The following MEGF11 variants were observed in gnomAD, a reference collection of about 807,000 sequenced individuals.
The protein encoded by MEGF11 is multiple EGF like domains 11.
In MEGF11, 126 loss-of-function variants were observed where a neutral mutation model predicts 146.6. The observed-to-expected ratio is 0.86, with a 90% CI of 0.74 to 1.00. The LOEUF (loss-of-function observed/expected upper bound fraction) is 1.00. Among genes scored for constraint, MEGF11 ranks in the 50% least tolerant of loss-of-function variants. The pLI is 0.00. For synonymous variants in MEGF11, 532 were observed against 583.4 expected (o/e 0.91, Z 1.27); for missense variants, 1,509 against 1,521.2 (o/e 0.99, Z 0.13).
At chr15:66,056,991 C>G (rs2084700550) in intron 5 of MEGF11, among the ~76,000 whole-genome samples, 2 of 152,212 alleles carry the variant, frequency 1.3e-5, no homozygotes, top group Middle Eastern at 3.2e-3. Flanking sequence ...ATTAAAGGAG[C>G]ATTTATAAAT....
intron 5 of MEGF11, among the ~76,000 whole-genome samples, chr15:66,079,853 G>A (rs563091607): frequency 2.4e-4 from 37 of 152,284 alleles, no homozygotes; most frequent in African/African-American, 8.2e-4. Flanking sequence ...GGGTCTCCAT[G>A]GGCTGCCCCT....
intron 4 of MEGF11, among the ~76,000 whole-genome samples, chr15:66,102,584 A>G (rs963243149): frequency 1.1e-4 from 17 of 150,210 alleles, no homozygotes; most frequent in African/African-American, 4.2e-4. Context: ...GCACCACCAC[A>G]ATTAGCTAAT....
intron 8 of MEGF11, among the ~76,000 whole-genome samples, chr15:65,965,639 T>A (rs2081066272): frequency 7.1e-6 from 1 of 140,544 alleles, no homozygotes; most frequent in Admixed American, 7.3e-5. Flanking sequence ...GCTCTTCTAT[T>A]CTTTTCGCCC....
At chr15:65,977,536 A>G (rs1242011260) in intron 7 of MEGF11, among the ~76,000 whole-genome samples, 6 of 148,432 alleles carry the variant, frequency 4.0e-5, no homozygotes, top group East Asian at 2.0e-4. Flanking sequence ...TTGGAGTGCA[A>G]TGGCGCAATC....
At position 66,013,842 on chromosome 15, in the gene MEGF11, T is replaced by C. The variant is rs748446261; in HGVS notation, c.395-31354A>G. Among the ~76,000 whole-genome samples, 3 of 152,316 alleles carry C rather than the reference T, an allele frequency of 2.0e-5. No homozygotes were observed. In the South Asian group the frequency reaches 6.2e-4, roughly 32 times the overall value. On this transcript the variant is annotated intron_variant, in intron 5 of 25. Transcript: ENST00000395614. Reference sequence around the variant, plus strand: ...ATGAATAAGAGTAGTTCCAGTTGGATACAGGCTGACTTAGGCAAGTGAAGG... The same window carrying C: ...ATGAATAAGAGTAGTTCCAGTTGGACACAGGCTGACTTAGGCAAGTGAAGG...
intron 1 of MEGF11, among the ~76,000 whole-genome samples, chr15:66,232,150 C>A (rs62009957): frequency 6.6e-6 from 1 of 152,038 alleles, no homozygotes; most frequent in Non-Finnish European, 1.5e-5. Context: ...CAGGAGCCTG[C>A]AGAGCTGAAC....
chr15:66,041,725 T>C lies in MEGF11; in HGVS notation c.394+52677A>G, dbSNP rs1020897124. ...CCTAAAATATTTACTATCTGGTCCT[T>C]TACAGAAAAAGTTTGCCAATCCCTG... On this transcript the variant is annotated intron_variant, in intron 5 of 25. Coordinates refer to ENST00000395614, the MANE Select transcript of MEGF11 (RefSeq NM_001385028.1). Among the ~76,000 whole-genome samples the C allele has an allele frequency of 5.3e-5, 8 of 152,204 alleles. No individual in the cohort carries two copies. The East Asian group carries it at 1.3e-3, about 26-fold the overall frequency.
At chr15:66,245,431 C>T (rs540586077) in intron 1 of MEGF11, among the ~76,000 whole-genome samples, 30 of 151,320 alleles carry the variant, frequency 2.0e-4, no homozygotes, top group South Asian at 6.3e-4. Flanking sequence ...AGTTTGAGAC[C>T]TGCCTGGGTA....
chr15:66,053,667 T>G (rs898795832), intron 5 of MEGF11, among the ~76,000 whole-genome samples: 9 of 142,834 alleles, frequency 6.3e-5, no homozygotes, highest in Non-Finnish European at 9.1e-5. Flanking sequence ...ACTAATCCTC[T>G]CCATTCCCAG....
At chr15:66,028,382 A>G (rs1437752695) in intron 5 of MEGF11, among the ~76,000 whole-genome samples, 1 of 152,228 alleles carries the variant, frequency 6.6e-6, no homozygotes, top group Non-Finnish European at 1.5e-5. Flanking sequence ...AGGGAAACAA[A>G]TAACATGCAC....
chr15:65,992,199 C>G (rs2082064768), intron 5 of MEGF11, among the ~76,000 whole-genome samples: 1 of 152,172 alleles, frequency 6.6e-6, no homozygotes, highest in Non-Finnish European at 1.5e-5. Context: ...ACCACAGCTC[C>G]AGGCAGCCAG....
rs16949132 is a variant in MEGF11, at chr15:65,946,817, A to G, written c.1287+10730T>C. ...TGGCTCCCTCTTGCCTGCTGACTTA[A>G]GCACAAGACCCCACCTTGGCATGCA... On this transcript the variant is annotated intron_variant, in intron 10 of 25. Coordinates refer to ENST00000395614, the MANE Select transcript of MEGF11 (RefSeq NM_001385028.1). 1.2e-3 allele frequency among the ~76,000 whole-genome samples: 183 copies of G among 152,226 alleles called. 1 individual carries two copies. The highest frequency in any genetic ancestry group is 4.3e-3 in the African/African-American group (180 of 41,530).
chr15:66,078,393 A>G (rs988253144), intron 5 of MEGF11, among the ~76,000 whole-genome samples: 1 of 152,210 alleles, frequency 6.6e-6, no homozygotes, highest in Non-Finnish European at 1.5e-5. Flanking sequence ...GTGACCTTGG[A>G]GGATGACTGG....
At chr15:66,059,900 G>GA (rs1464281088) in intron 5 of MEGF11, among the ~76,000 whole-genome samples, 1 of 152,158 alleles carries the variant, frequency 6.6e-6, no homozygotes, top group Non-Finnish European at 1.5e-5. Flanking sequence ...TATCTTGCTC[G>GA]AAAAACAACC....
intron 1 of MEGF11, among the ~76,000 whole-genome samples, chr15:66,192,857 G>A (rs1261918198): frequency 6.6e-6 from 1 of 152,230 alleles, no homozygotes; most frequent in Non-Finnish European, 1.5e-5. Flanking sequence ...GCCTCCGTCT[G>A]TGATGTCACC....
At chr15:66,078,267 G>A (rs2085678892) in intron 5 of MEGF11, among the ~76,000 whole-genome samples, 1 of 152,254 alleles carries the variant, frequency 6.6e-6, no homozygotes, top group Non-Finnish European at 1.5e-5. Context: ...GAGAGATGCT[G>A]AAGCAAGAGC....
chr15:65,944,340 G>T (rs1181416119), intron 10 of MEGF11, among the ~76,000 whole-genome samples: 1 of 152,240 alleles, frequency 6.6e-6, no homozygotes, highest in African/African-American at 2.4e-5. Context: ...GGTGGCAACT[G>T]AATGGAGACT....
chr15:66,210,634 G>T (rs892032892), intron 1 of MEGF11, among the ~76,000 whole-genome samples: 2 of 152,190 alleles, frequency 1.3e-5, no homozygotes, highest in Non-Finnish European at 2.9e-5. Flanking sequence ...AAGGAAAATC[G>T]ACTGCATTCT....
At chr15:66,065,014 C>A (rs551287996) in intron 5 of MEGF11, among the ~76,000 whole-genome samples, 1 of 152,162 alleles carries the variant, frequency 6.6e-6, no homozygotes, top group African/African-American at 2.4e-5. Flanking sequence ...CCATGCAGTG[C>A]CATGCCAATA....
Sources: gnomAD v4.1 joint callset for allele counts (sites outside exome capture counted in the v4.1 genomes callset) on GRCh38, gnomAD v4.1.1 for gene constraint, MANE v1.5 for transcripts, NCBI Gene and HGNC (gene_info 2026-07-23, HGNC 2026-07-21) for gene names.